The following RALGPS1 variants were observed in gnomAD, a reference collection of about 807,000 sequenced individuals.
RALGPS1 encodes the protein ras-specific guanine nucleotide-releasing factor RalGPS1.
In RALGPS1, 19 loss-of-function variants were observed where a neutral mutation model predicts 78.8. That is an observed-to-expected ratio of 0.24 (90% CI 0.17 to 0.35). The LOEUF (loss-of-function observed/expected upper bound fraction) is 0.35. Ranked by LOEUF, RALGPS1 falls within the 10% of genes least tolerant of loss-of-function variation. The probability of loss-of-function intolerance (pLI) is 1.00; values close to 1 mark genes in which losing one functional copy is unlikely to be tolerated. For synonymous variants in RALGPS1, 228 were observed against 256.3 expected, an observed-to-expected ratio of 0.89 and a Z score of 1.06; for missense variants, 454 against 688.3, an observed-to-expected ratio of 0.66 and a Z score of 3.81.
intron 3 of RALGPS1, among the ~76,000 whole-genome samples, chr9:126,976,992 T>C (rs898816182): frequency 1.3e-5 from 2 of 152,232 alleles, no homozygotes; most frequent in Non-Finnish European, 2.9e-5. Flanking sequence ...AAGCCGGCTG[T>C]GGTGAAGGAC....
chr9:127,137,382 C>T (rs543883125), intron 8 of RALGPS1, among the ~76,000 whole-genome samples: 8 of 152,242 alleles, frequency 5.3e-5, no homozygotes, highest in Non-Finnish European at 7.3e-5. Context: ...GTCAGGATGA[C>T]ACCACAGCTG....
intron 14 of RALGPS1, among the ~76,000 whole-genome samples, chr9:127,201,430 T>C (rs1278408711): frequency 6.6e-6 from 1 of 152,348 alleles, no homozygotes; most frequent in East Asian, 1.9e-4. Flanking sequence ...CGTGCAGTCC[T>C]GATGAGCAGA....
intron 1 of RALGPS1, among the ~76,000 whole-genome samples, chr9:126,948,127 A>T (rs1300669036): frequency 6.6e-6 from 1 of 152,192 alleles, no homozygotes; most frequent in Non-Finnish European, 1.5e-5. Context: ...GACAGGGACT[A>T]GGTAGGGGCT....
chr9:127,014,679 G>A (rs747799165), intron 4 of RALGPS1, among the ~76,000 whole-genome samples: 3 of 152,074 alleles, frequency 2.0e-5, no homozygotes, highest in Admixed American at 6.5e-5. Flanking sequence ...GACACTGCAG[G>A]GAGGCCTGGG....
chr9:127,012,427 G>A (rs1231419464), intron 4 of RALGPS1, among the ~76,000 whole-genome samples: 1 of 152,200 alleles, frequency 6.6e-6, no homozygotes, highest in African/African-American at 2.4e-5. Context: ...CTGTGTCTCG[G>A]CCACCCTTCC....
chr9:126,923,364 G>C (rs184303225), intron 1 of RALGPS1, among the ~76,000 whole-genome samples: 84 of 152,328 alleles, frequency 5.5e-4, no homozygotes, highest in African/African-American at 2.0e-3. Context: ...TCAAGTGCCT[G>C]TTCTCATGCT....
intron 3 of RALGPS1, 46 bp from the exon 4 acceptor site, chr9:126,977,649 T>C (rs776723632): frequency 3.1e-6 from 4 of 1,304,742 alleles, no homozygotes; most frequent in Non-Finnish European, 4.4e-6. Flanking sequence ...ATGACAGTTA[T>C]CTTTGATGTA....
chr9:127,071,177 C>T (rs1247485296), intron 8 of RALGPS1, among the ~76,000 whole-genome samples: 2 of 151,496 alleles, frequency 1.3e-5, no homozygotes, highest in East Asian at 3.9e-4. Flanking sequence ...ATTTCTCATA[C>T]TTTGTATTTT....
chr9:126,972,392 A>G (rs1409323386), intron 3 of RALGPS1, among the ~76,000 whole-genome samples: 1 of 152,238 alleles, frequency 6.6e-6, no homozygotes, highest in Non-Finnish European at 1.5e-5. Context: ...CAAACAGTAG[A>G]TGAGGGAAAG....
intron 11 of RALGPS1, among the ~76,000 whole-genome samples, chr9:127,179,272 G>T (rs912638391): frequency 1.3e-5 from 2 of 152,232 alleles, no homozygotes; most frequent in African/African-American, 2.4e-5. Context: ...CACACTCGGG[G>T]GTCCCAGCTT....
chr9:127,091,546 C>T lies in RALGPS1; in HGVS notation c.610+22190C>T. On this transcript the variant is annotated intron_variant, in intron 8 of 18. Coordinates refer to ENST00000259351, the MANE Select transcript of RALGPS1 (RefSeq NM_014636.3). This position sits in a 1 kb window ranked among gnomAD's most constrained non-coding sequence, Gnocchi z 4.3. ...CTCAGGGGGTGGTAACAGGGTCAGG[C>T]AGCTTGGCCCAGCTGCTTCTCACCC... 7.4e-7 allele frequency: 1 copy of T among 1,348,576 alleles called. No homozygotes were observed. Among genetic ancestry groups the T allele is most frequent in the Non-Finnish European group, 1.0e-6 (1 of 991,082 alleles). The allele number at this position is 1,348,576 out of a possible 1,614,324, so 83.5% of individuals were successfully genotyped here.
At chr9:126,952,693 GTGTC>G (rs1210069077) in intron 1 of RALGPS1, among the ~76,000 whole-genome samples, 4 of 152,020 alleles carry the variant, frequency 2.6e-5, no homozygotes, top group South Asian at 2.1e-4. Flanking sequence ...GTGTGTCTGT[GTGTC>G]TGTGCGCATG....
At chr9:127,184,250 G>T in intron 11 of RALGPS1, 1 of 522,342 alleles carries the variant, frequency 1.9e-6, no homozygotes, top group South Asian at 2.0e-5. Flanking sequence ...ATCCCAGGAG[G>T]GGGAGGCTAC....
At chr9:126,954,916 G>A (rs967472835) in intron 1 of RALGPS1, among the ~76,000 whole-genome samples, 3 of 152,158 alleles carry the variant, frequency 2.0e-5, no homozygotes, top group South Asian at 2.1e-4. Flanking sequence ...CCTGTCTGTC[G>A]ACTGCTTCCA....
chr9:126,972,763 A>G (rs2040239266), intron 3 of RALGPS1, among the ~76,000 whole-genome samples: 1 of 152,188 alleles, frequency 6.6e-6, no homozygotes, highest in African/African-American at 2.4e-5. Context: ...AGATTAAAAG[A>G]GATTTTAAAA....
intron 8 of RALGPS1, among the ~76,000 whole-genome samples, chr9:127,080,140 C>T (rs2051042548): frequency 6.6e-6 from 1 of 152,060 alleles, no homozygotes; most frequent in Non-Finnish European, 1.5e-5. Flanking sequence ...AGATGGGTGC[C>T]TGGGGATGAC....
chr9:127,170,780 C>T (rs776098783), intron 10 of RALGPS1, among the ~76,000 whole-genome samples: 4 of 152,206 alleles, frequency 2.6e-5, no homozygotes, highest in African/African-American at 4.8e-5. Context: ...GAAGGAGTAA[C>T]GCCTCAGCAC....
At chr9:126,917,176 C>T (rs191633039) in intron 1 of RALGPS1, among the ~76,000 whole-genome samples, 64 of 152,204 alleles carry the variant, frequency 4.2e-4, no homozygotes, top group African/African-American at 1.4e-3. Context: ...CTTACTGGTG[C>T]CTGTGCTTGT....
intron 8 of RALGPS1, among the ~76,000 whole-genome samples, chr9:127,149,713 C>G (rs957740721): frequency 9.2e-5 from 14 of 152,220 alleles, no homozygotes; most frequent in African/African-American, 3.4e-4. Context: ...CAGCCATGGC[C>G]AGGAGGTTGA....
Sources: allele counts gnomAD v4.1 joint callset (sites outside exome capture counted in the v4.1 genomes callset), GRCh38; gene constraint gnomAD v4.1.1; non-coding constraint Gnocchi (gnomAD v3.1); transcripts MANE v1.5; gene names NCBI Gene and HGNC (gene_info 2026-07-23, HGNC 2026-07-21).